The following FSTL4 variants were observed in gnomAD, a reference collection of about 807,000 sequenced individuals.
The protein encoded by FSTL4 is follistatin like 4.
FSTL4 carries 28 observed loss-of-function variants against 78.2 expected under a neutral mutation model. That is an observed-to-expected ratio of 0.36 (90% CI 0.27 to 0.49). The LOEUF (loss-of-function observed/expected upper bound fraction) is 0.49. FSTL4 is among the 20% of genes least tolerant of loss of function. FSTL4 has a pLI of 0.98. For synonymous variants in FSTL4, 422 were observed against 440.5 expected, an observed-to-expected ratio of 0.96 and a Z score of 0.53; for missense variants, 922 against 1,084.9, an observed-to-expected ratio of 0.85 and a Z score of 2.11.
intron 3 of FSTL4, among the ~76,000 whole-genome samples, chr5:133,490,008 A>T (rs1292496990): frequency 6.6e-6 from 1 of 152,134 alleles, no homozygotes; most frequent in African/African-American, 2.4e-5. Flanking sequence ...GAAACATCTC[A>T]TTCCAGGTTC....
the FSTL4 span, among the ~76,000 whole-genome samples, chr5:133,646,644 A>G: frequency 6.6e-6 from 1 of 152,070 alleles, no homozygotes; most frequent in Admixed American, 6.6e-5. Context: ...GGTGCAGAGG[A>G]GATGGATTGA....
In FSTL4 at chr5:133,221,891, G is replaced by GTTTT. The variant is rs59400068; in HGVS notation, c.1340-1029_1340-1026dup. On this transcript the variant is annotated intron_variant, in intron 11 of 15. Coordinates refer to ENST00000265342, the MANE Select transcript of FSTL4 (RefSeq NM_015082.2). ...AATATGTAGAAAAATCTCTTTTCTA[G>GTTTT]TTTTTTTTTTTTTTTTTTTTTTTTT... Among the ~76,000 whole-genome samples the GTTTT allele has an allele frequency of 3.0e-3, 128 of 43,340 alleles. 24 individuals are homozygous for GTTTT. Among genetic ancestry groups the GTTTT allele is most frequent in the Non-Finnish European group, 5.1e-3 (85 of 16,678 alleles). The allele number at this position is 43,340 out of a possible 152,430, so 28.4% of individuals were successfully genotyped here.
chr5:133,302,021 CT>C (rs2126878679), intron 6 of FSTL4, among the ~76,000 whole-genome samples: 1 of 152,130 alleles, frequency 6.6e-6, no homozygotes, highest in East Asian at 1.9e-4. Flanking sequence ...CAAAACTCTT[CT>C]GCTTGTACCT....
rs544227649 is a variant in FSTL4, at chr5:133,485,726, C to A, written c.160+81460G>T. On this transcript the variant is annotated intron_variant, in intron 3 of 15. Transcript: ENST00000265342. Reference sequence around the variant, plus strand: ...TCGGGTCCTCGGCAAGCACTCTGGCCCTGGAAAACTCAGCCCAGCTGCTGG... The same window carrying A: ...TCGGGTCCTCGGCAAGCACTCTGGCACTGGAAAACTCAGCCCAGCTGCTGG... Among the ~76,000 whole-genome samples, 679 of 152,280 alleles carry A rather than the reference C, an allele frequency of 4.5e-3. 3 individuals carry two copies. Among genetic ancestry groups the A allele is most frequent in the South Asian group, 0.015 (72 of 4,824 alleles).
the FSTL4 span, among the ~76,000 whole-genome samples, chr5:133,815,783 G>A: frequency 7.9e-5 from 12 of 152,174 alleles, no homozygotes; most frequent in African/African-American, 1.9e-4. Flanking sequence ...AGGCGGGAAA[G>A]TTTAGGTGAT....
At chr5:133,461,205 T>C (rs1383241612) in intron 3 of FSTL4, among the ~76,000 whole-genome samples, 2 of 152,226 alleles carry the variant, frequency 1.3e-5, no homozygotes, top group East Asian at 3.8e-4. Flanking sequence ...GGCTCTGATA[T>C]TAAAATTGCC....
In FSTL4 at chr5:133,312,769, C is replaced by T; in HGVS notation, c.612G>A (p.Leu204=). 2.5e-6 allele frequency: 4 copies of T among 1,614,158 alleles called. No homozygotes were observed. The highest frequency in any genetic ancestry group is 2.5e-6 in the Non-Finnish European group (3 of 1,179,986). Residue 204 remains leucine (L), a synonymous_variant, in exon 6 of 16, where the codon CTG becomes CTA. Transcript: ENST00000265342. ...LSSSELAQHV[L]KKQDLDEDLL... is the part of the protein sequence containing the mutation. ...AGTCTTCATCCAGGTCCTGCTTCTTCAGCACATGCTGTGGGGTGAGGAGGA... is the reference window on the plus strand; with the variant it reads ...AGTCTTCATCCAGGTCCTGCTTCTTTAGCACATGCTGTGGGGTGAGGAGGA...
intron 7 of FSTL4, among the ~76,000 whole-genome samples, chr5:133,246,053 G>C (rs1752030061): frequency 6.6e-6 from 1 of 152,116 alleles, no homozygotes; most frequent in Non-Finnish European, 1.5e-5. Context: ...TGCCAATCAA[G>C]ATGTCTCATA....
chr5:133,465,846 C>CT (rs1757696345), intron 3 of FSTL4, among the ~76,000 whole-genome samples: 1 of 152,226 alleles, frequency 6.6e-6, no homozygotes, highest in African/African-American at 2.4e-5. Context: ...GAAACCAACT[C>CT]TAACAGGGAT....
chr5:133,684,759 C>T, the FSTL4 span, among the ~76,000 whole-genome samples: 6 of 152,208 alleles, frequency 3.9e-5, no homozygotes, highest in South Asian at 2.1e-4. Flanking sequence ...ATATCACCCA[C>T]GGTGATGGCA....
At chr5:133,652,976 C>A in the FSTL4 span, among the ~76,000 whole-genome samples, 1 of 152,214 alleles carries the variant, frequency 6.6e-6, no homozygotes, top group East Asian at 1.9e-4. Flanking sequence ...TATGTCCCTG[C>A]CAGGACTAGA....
the FSTL4 span, among the ~76,000 whole-genome samples, chr5:133,670,789 T>A: frequency 6.6e-6 from 1 of 152,134 alleles, no homozygotes; most frequent in Non-Finnish European, 1.5e-5. Context: ...ACTTTGAGGG[T>A]CTTCAGAGGG....
chr5:133,764,225 G>T, the FSTL4 span, among the ~76,000 whole-genome samples: 1 of 152,170 alleles, frequency 6.6e-6, no homozygotes, highest in Non-Finnish European at 1.5e-5. Flanking sequence ...CCAGCTCCCA[G>T]CCCAGCCTTC....
chr5:133,752,389 T>A, the FSTL4 span, among the ~76,000 whole-genome samples: 18 of 151,908 alleles, frequency 1.2e-4, no homozygotes, highest in South Asian at 3.8e-3. Context: ...CTGGCCACAA[T>A]CCCCCTCTCA....
chr5:133,240,927 G>A (rs1157138557), intron 7 of FSTL4, among the ~76,000 whole-genome samples: 1 of 152,194 alleles, frequency 6.6e-6, no homozygotes, highest in Non-Finnish European at 1.5e-5. Context: ...ATGCCTCATA[G>A]GGGTCTCTTT....
At chr5:133,670,871 C>T in the FSTL4 span, among the ~76,000 whole-genome samples, 1 of 151,426 alleles carries the variant, frequency 6.6e-6, no homozygotes, top group East Asian at 1.9e-4. Flanking sequence ...ACTGGTTGTA[C>T]AAATGGCTCC....
chr5:133,466,317 C>T (rs376791362), intron 3 of FSTL4, among the ~76,000 whole-genome samples: 12 of 152,126 alleles, frequency 7.9e-5, no homozygotes, highest in Non-Finnish European at 1.6e-4. Context: ...CCGAGGCGGG[C>T]AGATCATGGG....
chr5:133,275,661 C>T (rs1332000054), intron 6 of FSTL4: 3 of 152,008 alleles, frequency 2.0e-5, no homozygotes, highest in African/African-American at 7.3e-5. Flanking sequence ...CTACACATGT[C>T]TCAAGCCAGA....
At chr5:133,643,183 A>T in the FSTL4 span, among the ~76,000 whole-genome samples, 81,958 of 152,064 alleles carry the variant, frequency 0.54, 22,323 homozygotes, top group East Asian at 0.64. Flanking sequence ...TGTATATGTA[A>T]GTATTTTATA....
Sources: allele counts gnomAD v4.1 joint callset (sites outside exome capture counted in the v4.1 genomes callset), GRCh38; gene constraint gnomAD v4.1.1; transcripts MANE v1.5; gene names NCBI Gene and HGNC (gene_info 2026-07-23, HGNC 2026-07-21).